Variants in GSG1L observed in about 807,000 individuals in gnomAD.
GSG1L encodes germ cell-specific gene 1-like protein.
GSG1L carries 24 observed loss-of-function variants against 42.1 expected under a neutral mutation model. The observed-to-expected ratio is 0.57, with a 90% CI of 0.41 to 0.80. GSG1L has a LOEUF of 0.80. Ranked by LOEUF, GSG1L falls within the 30% of genes least tolerant of loss-of-function variation. The pLI is 0.00. For synonymous variants in GSG1L, 215 were observed against 203.5 expected, an observed-to-expected ratio of 1.06 and a Z score of -0.48; for missense variants, 445 against 472.2, an observed-to-expected ratio of 0.94 and a Z score of 0.53.
chr16:27,832,536 T>C (rs1360054983), intron 4 of GSG1L, among the ~76,000 whole-genome samples: 1 of 152,274 alleles, frequency 6.6e-6, no homozygotes, highest in East Asian at 1.9e-4. Context: ...CAAGTTGTTA[T>C]GTGCATCAGT....
intron 1 of GSG1L, among the ~76,000 whole-genome samples, chr16:27,988,094 G>T (rs2085408930): frequency 6.6e-6 from 1 of 151,864 alleles, no homozygotes; most frequent in Admixed American, 6.6e-5. Flanking sequence ...TAAGATACTG[G>T]AATATTAACT....
intron 2 of GSG1L, among the ~76,000 whole-genome samples, chr16:27,936,180 G>T (rs888187529): frequency 2.0e-5 from 3 of 152,018 alleles, no homozygotes; most frequent in Non-Finnish European, 2.9e-5. Flanking sequence ...CTTATCGGCA[G>T]ACCATCCTGC....
intron 5 of GSG1L, among the ~76,000 whole-genome samples, chr16:27,824,462 T>G (rs918945733): frequency 6.6e-6 from 1 of 151,734 alleles, no homozygotes; most frequent in African/African-American, 2.4e-5. Context: ...TGCTGGCCAC[T>G]GTAAGATGTC....
chr16:27,942,964 G>A (rs998378215), intron 2 of GSG1L, among the ~76,000 whole-genome samples: 1 of 152,216 alleles, frequency 6.6e-6, no homozygotes, highest in Non-Finnish European at 1.5e-5. Flanking sequence ...CACCCACAGG[G>A]CTTATGGAAC....
intron 2 of GSG1L, among the ~76,000 whole-genome samples, chr16:27,931,364 C>G (rs896769646): frequency 1.1e-4 from 16 of 152,180 alleles, no homozygotes; most frequent in African/African-American, 3.9e-4. Context: ...ATGCCGCTGC[C>G]TCCATCCCAG....
intron 3 of GSG1L, among the ~76,000 whole-genome samples, chr16:27,852,763 G>A (rs1433839494): frequency 1.3e-5 from 2 of 152,178 alleles, no homozygotes; most frequent in Admixed American, 6.5e-5. Flanking sequence ...GAGCAAAGTG[G>A]TTGGGTGGGG....
chr16:27,789,320 G>A lies in GSG1L; in HGVS notation c.*2050C>T, dbSNP rs2082725659. The A allele has an allele frequency of 6.6e-6, 1 of 150,930 alleles. No individual in the cohort carries two copies. Among genetic ancestry groups the A allele is most frequent in the Non-Finnish European group, 1.5e-5 (1 of 67,530 alleles). 9.3% of individuals were successfully genotyped at this position (150,930 alleles called of 1,614,324 possible). On this transcript the variant is annotated 3_prime_UTR_variant, in exon 7 of 7. Transcript: ENST00000447459. The stretch of plus-strand genomic sequence containing the variant: ...GGTTGATGGATAATGGGCAGATGGA[G>A]GGATGAATGGATGTGTGGATGACGG...
chr16:28,060,837 T>A (rs1596742164), intron 1 of GSG1L, among the ~76,000 whole-genome samples: 1 of 152,226 alleles, frequency 6.6e-6, no homozygotes, highest in African/African-American at 2.4e-5. Context: ...TCAATAAATG[T>A]TAGCCAACAT....
chr16:28,022,386 C>T (rs1163201965), intron 1 of GSG1L, among the ~76,000 whole-genome samples: 7 of 151,952 alleles, frequency 4.6e-5, no homozygotes, highest in African/African-American at 9.7e-5. Flanking sequence ...AGTACAGTGG[C>T]GTGATCACAG....
chr16:27,827,425 G>A (rs2083222870), intron 5 of GSG1L, among the ~76,000 whole-genome samples: 1 of 152,146 alleles, frequency 6.6e-6, no homozygotes, highest in South Asian at 2.1e-4. Flanking sequence ...AAGGATGTAG[G>A]CTGAGTTAAA....
intron 5 of GSG1L, among the ~76,000 whole-genome samples, chr16:27,818,040 T>C (rs1025195638): frequency 6.6e-6 from 1 of 152,056 alleles, no homozygotes; most frequent in Non-Finnish European, 1.5e-5. Flanking sequence ...AGGTCTAAGG[T>C]GGGGTCTGAG....
chr16:27,827,223 G>A (rs967658390), intron 5 of GSG1L, among the ~76,000 whole-genome samples: 9 of 152,176 alleles, frequency 5.9e-5, no homozygotes, highest in African/African-American at 2.2e-4. Flanking sequence ...TCTGACCTAG[G>A]GCTGCTGTTC....
chr16:27,919,384 C>T (rs984828970), intron 2 of GSG1L, among the ~76,000 whole-genome samples: 2 of 152,188 alleles, frequency 1.3e-5, no homozygotes, highest in African/African-American at 2.4e-5. Flanking sequence ...CCATTCTCCC[C>T]TTACCTTCCA....
At chr16:27,859,481 G>A (rs1331848237) in intron 3 of GSG1L, among the ~76,000 whole-genome samples, 3 of 152,182 alleles carry the variant, frequency 2.0e-5, no homozygotes, top group African/African-American at 7.2e-5. Context: ...GATTGCCCAG[G>A]GCCAAGCAAA....
chr16:27,961,750 C>T (rs1337869368), intron 2 of GSG1L, among the ~76,000 whole-genome samples: 1 of 152,190 alleles, frequency 6.6e-6, no homozygotes, highest in African/African-American at 2.4e-5. Context: ...GAGATGGTCA[C>T]ATGTAGCAAT....
chr16:27,812,106 T>C (rs1032906647), intron 5 of GSG1L, among the ~76,000 whole-genome samples: 1 of 152,166 alleles, frequency 6.6e-6, no homozygotes, highest in Admixed American at 6.5e-5. Flanking sequence ...GCACAATACC[T>C]TCCCTCCCTC....
intron 1 of GSG1L, among the ~76,000 whole-genome samples, chr16:28,013,661 C>A (rs1045945728): frequency 1.3e-5 from 2 of 152,234 alleles, no homozygotes; most frequent in Non-Finnish European, 2.9e-5. Flanking sequence ...AGCCCTGGAT[C>A]CTGCTCTCTC....
At chr16:27,966,849 A>C (rs1244744223) in intron 1 of GSG1L, among the ~76,000 whole-genome samples, 1 of 152,240 alleles carries the variant, frequency 6.6e-6, no homozygotes. Context: ...TTAAAGAATC[A>C]GAAGATCCAG....
chr16:27,852,081 G>C (rs771890776), intron 3 of GSG1L, among the ~76,000 whole-genome samples: 2 of 152,240 alleles, frequency 1.3e-5, no homozygotes, highest in Non-Finnish European at 2.9e-5. Context: ...ATACCAGGGA[G>C]GTAGCTGATT....
Sources: allele counts gnomAD v4.1 joint callset (sites outside exome capture counted in the v4.1 genomes callset), GRCh38; gene constraint gnomAD v4.1.1; transcripts MANE v1.5; gene names NCBI Gene and HGNC (gene_info 2026-07-23, HGNC 2026-07-21).